GAB2: variants seen among roughly 807,000 people sequenced by gnomAD.
GAB2 encodes the protein GRB2 associated binding protein 2, also known as GRB2-associated-binding protein 2.
In GAB2, 26 loss-of-function variants were observed where a neutral mutation model predicts 65.5. That is an observed-to-expected ratio of 0.40 (90% CI 0.29 to 0.55). GAB2 has a LOEUF of 0.55. GAB2 is among the 20% of genes least tolerant of loss of function. The pLI, the probability that GAB2 is intolerant of heterozygous loss-of-function variation, is 0.53. For missense variants in GAB2, 884 were observed against 875.8 expected, an observed-to-expected ratio of 1.01 and a Z score of -0.12; for synonymous variants, 321 against 329.6, an observed-to-expected ratio of 0.97 and a Z score of 0.28.
rs183718572 is a variant in GAB2 at position 78,242,245 on chromosome 11, G to A, written c.620+7912C>T. Among the ~76,000 whole-genome samples, 694 of 152,310 alleles carry A rather than the reference G, an allele frequency of 4.6e-3. 4 individuals are homozygous for A. The highest frequency in any genetic ancestry group is 0.016 in the African/African-American group (672 of 41,554). On this transcript the variant is annotated intron_variant, in intron 3 of 9. Transcript: ENST00000361507. ...GAGCCGGGTGTGGTGGCTCATGCCT[G>A]TAATCCCAGCACTTTGAGAGGCCAA... is the stretch of plus-strand genomic sequence containing the variant.
chr11:78,231,021 T>C (rs1196978281), intron 3 of GAB2, among the ~76,000 whole-genome samples: 1 of 152,192 alleles, frequency 6.6e-6, no homozygotes, highest in Admixed American at 6.5e-5. Flanking sequence ...CCTTATAAAA[T>C]AGGCAAGATA....
intron 2 of GAB2, among the ~76,000 whole-genome samples, chr11:78,278,386 TTTTG>T (rs899782709): frequency 1.0e-4 from 15 of 150,222 alleles, no homozygotes; most frequent in South Asian, 2.1e-4. Flanking sequence ...TTTTTTTGTT[TTTTG>T]TTTGTTTTTT....
Position 78,226,620 on chromosome 11 carries a change from G to GGGGGGGGGGGGGGGGGGGGGCCC in GAB2, c.1051_1052insGGGCCCCCCCCCCCCCCCCCCCC (p.Pro351ArgfsTer84). The GGGGGGGGGGGGGGGGGGGGGCCC allele has an allele frequency of 6.7e-7, 1 of 1,500,434 alleles. No individual in the cohort carries two copies. The highest frequency in any genetic ancestry group is 9.3e-7 in the Non-Finnish European group (1 of 1,078,916). The allele number at this position is 1,500,434 out of a possible 1,614,324, so 92.9% of individuals were successfully genotyped here. A position where few individuals can be genotyped will look rare whatever the true frequency, so the allele number is the denominator to read the frequency against. On this transcript the variant is annotated frameshift_variant, in exon 4 of 10. Coordinates refer to ENST00000361507, the MANE Select transcript of GAB2 (RefSeq NM_080491.3). LOFTEE classifies it high-confidence loss of function. Reference sequence around the variant, plus strand: ...ACTTGGCTTGGGGGGGCGGGGTGGGGGAGCTATGGCTGAGTCCCCAGGAGT... The same window carrying GGGGGGGGGGGGGGGGGGGGGCCC: ...ACTTGGCTTGGGGGGGCGGGGTGGGGGGGGGGGGGGGGGGGGGGGGCCCGAGCTATGGCTGAGTCCCCAGGAGT...
intron 1 of GAB2, among the ~76,000 whole-genome samples, chr11:78,325,070 T>C (rs990007328): frequency 1.3e-5 from 2 of 152,176 alleles, no homozygotes; most frequent in Non-Finnish European, 2.9e-5. Context: ...GCTGAGAACT[T>C]GTCATTAAAT....
chr11:78,276,119 A>G (rs963177132), intron 2 of GAB2, among the ~76,000 whole-genome samples: 1 of 151,366 alleles, frequency 6.6e-6, no homozygotes, highest in Non-Finnish European at 1.5e-5. Context: ...CTCAAAAAAA[A>G]AAAAAAAAAG....
chr11:78,350,606 A>C (rs190929764), intron 1 of GAB2, among the ~76,000 whole-genome samples: 13 of 152,358 alleles, frequency 8.5e-5, no homozygotes, highest in Non-Finnish European at 1.8e-4. Context: ...TCTAAAAAGT[A>C]TATACAAGGA....
At chr11:78,277,946 C>T (rs925097358) in intron 2 of GAB2, among the ~76,000 whole-genome samples, 13 of 152,138 alleles carry the variant, frequency 8.5e-5, no homozygotes, top group East Asian at 5.8e-4. Context: ...GCCCTTTGGC[C>T]GAATTCTTTC....
At chr11:78,252,435 C>T (rs919063912) in intron 2 of GAB2, among the ~76,000 whole-genome samples, 7 of 152,142 alleles carry the variant, frequency 4.6e-5, no homozygotes, top group African/African-American at 1.7e-4. Context: ...CATTATGGGA[C>T]AGAGTAGCCA....
At chr11:78,343,370 G>GGGAGGGAA (rs1856130025) in intron 1 of GAB2, among the ~76,000 whole-genome samples, 1 of 148,518 alleles carries the variant, frequency 6.7e-6, no homozygotes, top group South Asian at 2.2e-4. Flanking sequence ...ATGTAATTAG[G>GGGAGGGAA]GGAGGGAAGG....
At chr11:78,345,973 G>A (rs1047165123) in intron 1 of GAB2, among the ~76,000 whole-genome samples, 3 of 152,062 alleles carry the variant, frequency 2.0e-5, no homozygotes, top group Non-Finnish European at 2.9e-5. Context: ...GATCCTCTCC[G>A]TATTAGACAG....
intron 8 of GAB2, 97 bp downstream of exon 8, chr11:78,221,580 G>C (rs982267576): frequency 6.1e-6 from 4 of 661,066 alleles, no homozygotes; most frequent in Non-Finnish European, 1.1e-5. Context: ...GGAGTCCCTG[G>C]GCTGAGGTGA....
chr11:78,215,372 T>G lies in GAB2; in HGVS notation c.*3900A>C, dbSNP rs1864068703. On this transcript the variant is annotated 3_prime_UTR_variant, in exon 10 of 10. Coordinates refer to ENST00000361507, the MANE Select transcript of GAB2 (RefSeq NM_080491.3). ...AAGGGACCTGCAAGCTCCAAGCCTG[T>G]ACCATGTGTCACCACAGCAAAAACA... 1 of 152,614 alleles carries G rather than the reference T, an allele frequency of 6.6e-6. No homozygotes were observed. The highest frequency in any genetic ancestry group is 1.5e-5 in the Non-Finnish European group (1 of 68,040). The allele number at this position is 152,614 out of a possible 1,614,324, so 9.5% of individuals were successfully genotyped here.
intron 3 of GAB2, among the ~76,000 whole-genome samples, chr11:78,231,336 G>GTGTGTGTGTGTGTGTGTGT (rs1554975133): frequency 1.4e-5 from 2 of 145,796 alleles, no homozygotes; most frequent in African/African-American, 5.2e-5. Context: ...GCGCGTGTGT[G>GTGTGTGTGTGTGTGTGTGT]GTGTGTGTGT....
At chr11:78,278,068 CTTTTTT>C in intron 2 of GAB2, among the ~76,000 whole-genome samples, 1 of 133,840 alleles carries the variant, frequency 7.5e-6, no homozygotes, top group African/African-American at 2.7e-5. Context: ...TCTTCCCCTG[CTTTTTT>C]TTTTTTTTTT....
At chr11:78,258,509 A>T (rs1226297906) in intron 2 of GAB2, among the ~76,000 whole-genome samples, 2 of 152,156 alleles carry the variant, frequency 1.3e-5, no homozygotes, top group African/African-American at 2.4e-5. Flanking sequence ...ATTTTATTTA[A>T]TTTTTTTCCC....
At position 78,417,700 on chromosome 11, in the gene GAB2, C is replaced by A; in HGVS notation, c.21G>T (p.Val7=). 3 of 1,354,538 alleles carry A rather than the reference C, an allele frequency of 2.2e-6. No homozygotes were observed. The highest frequency in any genetic ancestry group is 2.3e-5 in the Admixed American group (1 of 43,754). The allele number at this position is 1,354,538 out of a possible 1,614,324, so 83.9% of individuals were successfully genotyped here. A position where few individuals can be genotyped will look rare whatever the true frequency, so the allele number is the denominator to read the frequency against. ...ATTTCCTCAGCCAGCCGGTGCACAC[C>A]ACGTCGCCGCCGCCGCTCATGCTGC... MSGGGD[V]VCTGWLRKSP... is the part of the protein sequence containing the mutation. Residue 7 remains valine (V), a synonymous_variant, in exon 1 of 10, where the codon GTG becomes GTT. Coordinates refer to ENST00000361507, the MANE Select transcript of GAB2 (RefSeq NM_080491.3).
At chr11:78,365,556 C>T (rs1212587411) in intron 1 of GAB2, among the ~76,000 whole-genome samples, 2 of 152,112 alleles carry the variant, frequency 1.3e-5, no homozygotes, top group Non-Finnish European at 2.9e-5. Context: ...AGGAGGAAGA[C>T]AGAAAAGGGA....
At chr11:78,259,142 TTA>T (rs1865670987) in intron 2 of GAB2, among the ~76,000 whole-genome samples, 1 of 152,212 alleles carries the variant, frequency 6.6e-6, no homozygotes, top group Non-Finnish European at 1.5e-5. Flanking sequence ...TGGAACTATC[TTA>T]TTACAGGGCC....
chr11:78,350,327 C>T (rs1410320764), intron 1 of GAB2, among the ~76,000 whole-genome samples: 1 of 152,204 alleles, frequency 6.6e-6, no homozygotes, highest in Admixed American at 6.5e-5. Flanking sequence ...GGGATTAACT[C>T]TAATCATCCG....
Sources: allele counts gnomAD v4.1 joint callset (sites outside exome capture counted in the v4.1 genomes callset), GRCh38; gene constraint gnomAD v4.1.1; transcripts MANE v1.5; gene names NCBI Gene and HGNC (gene_info 2026-07-23, HGNC 2026-07-21).